The following LAMC1 variants were observed in gnomAD, a reference collection of about 807,000 sequenced individuals.
LAMC1 encodes the protein laminin subunit gamma-1.
LAMC1 carries 38 observed loss-of-function variants against 173.6 expected under a neutral mutation model. The ratio of observed to expected loss-of-function variants is 0.22; its 90% CI spans 0.17 to 0.29. The LOEUF is 0.29. Ranked by LOEUF, LAMC1 falls within the 10% of genes least tolerant of loss-of-function variation. The probability of loss-of-function intolerance (pLI) is 1.00; values close to 1 mark genes in which losing one functional copy is unlikely to be tolerated. For missense variants in LAMC1, 1,824 were observed against 2,051.8 expected (o/e 0.89, Z 2.14); for synonymous variants, 746 against 749.1 (o/e 1.00, Z 0.07).
rs181905506 is a variant in LAMC1, at chr1:183,143,760, G to C, written c.*970G>C. ...AAACAGAAGAAAAACAAGCCTCCTC[G>C]TCCTAGTCTTTTCTAGCAAAGGGAT... On this transcript the variant is annotated 3_prime_UTR_variant, in exon 28 of 28. Transcript: ENST00000258341. The C allele has an allele frequency of 1.9e-4, 29 of 152,196 alleles. No homozygotes were observed. Among genetic ancestry groups the C allele is most frequent in the African/African-American group, 6.0e-4 (25 of 41,528 alleles). 9.4% of individuals were successfully genotyped at this position (152,196 alleles called of 1,614,324 possible).
At chr1:183,047,163 G>C (rs557554304) in intron 1 of LAMC1, among the ~76,000 whole-genome samples, 3 of 152,234 alleles carry the variant, frequency 2.0e-5, no homozygotes, top group African/African-American at 7.2e-5. Context: ...ATTAGTTGCT[G>C]TTCATACTGT....
intron 26 of LAMC1, among the ~76,000 whole-genome samples, chr1:183,139,363 A>T (rs943970087): frequency 6.6e-6 from 1 of 152,178 alleles, no homozygotes; most frequent in African/African-American, 2.4e-5. Context: ...AACCAGAAGA[A>T]TGAAGGTTTA....
intron 1 of LAMC1, among the ~76,000 whole-genome samples, chr1:183,094,902 A>G (rs962445938): frequency 4.7e-5 from 7 of 150,394 alleles, no homozygotes; most frequent in African/African-American, 1.5e-4. Context: ...GCTGGAGTAC[A>G]GTAACACGAT....
rs1432378353 is a variant in LAMC1, at chr1:183,114,583, T to C, written c.1074T>C (p.Tyr358=). 1.9e-6 allele frequency: 3 copies of C among 1,614,092 alleles called. No homozygotes were observed. In the African/African-American group the frequency reaches 4.0e-5, roughly 22 times the overall value. Residue 358 remains tyrosine (Y), a synonymous_variant, in exon 5 of 28, where the codon TAT becomes TAC. Coordinates refer to ENST00000258341, the MANE Select transcript of LAMC1 (RefSeq NM_002293.4). The stretch of plus-strand genomic sequence containing the variant: ...AATGCTACTTCGACCCTGAACTCTA[T>C]CGTTCCACTGGCCATGGGGGCCACT... ...SQECYFDPEL[Y]RSTGHGGHCT... is the part of the protein sequence containing the mutation.
intron 3 of LAMC1, among the ~76,000 whole-genome samples, chr1:183,108,713 G>C (rs1656058192): frequency 6.6e-6 from 1 of 152,238 alleles, no homozygotes; most frequent in African/African-American, 2.4e-5. Context: ...TGAAGCACTT[G>C]AGGAAGGGTA....
At position 183,134,747 on chromosome 1, in the gene LAMC1, G is replaced by T; in HGVS notation, c.3937G>T (p.Asp1313Tyr). 1 of 1,613,456 alleles carries T rather than the reference G, an allele frequency of 6.2e-7. No homozygotes were observed. Among genetic ancestry groups the T allele is most frequent in the East Asian group, 2.2e-5 (1 of 44,880 alleles). The change falls in exon 23 of 28, where the codon GAT becomes TAT. Residue 1313 changes from aspartate (D) to tyrosine (Y), a missense_variant. Physicochemically the swap from Asp to Tyr is radical, Grantham distance 160. Transcript: ENST00000258341. The part of the protein sequence containing the change: ...KLKDYEDLRE[D>Y]MRGKELEVKN... Reference sequence around the variant, plus strand: ...AAAAGATTATGAGGACCTCAGAGAAGATATGAGAGGGAAGGAACTTGAAGT... The same window carrying T: ...AAAAGATTATGAGGACCTCAGAGAATATATGAGAGGGAAGGAACTTGAAGT...
rs2093982 is a variant in LAMC1, at chr1:183,125,056, T to C, written c.2647+180T>C. On this transcript the variant is annotated intron_variant, in intron 14 of 27. Coordinates refer to ENST00000258341, the MANE Select transcript of LAMC1 (RefSeq NM_002293.4). The stretch of plus-strand genomic sequence containing the variant: ...AAAGTATAAAGAAGGACAGTCATGG[T>C]GGCTGACACCTGTGGTCCTGTAAAA... The C allele has an allele frequency of 0.56, 411,758 of 735,310 alleles. 117,510 individuals are homozygous for C. The highest frequency in any genetic ancestry group is 0.65 in the South Asian group (32,748 of 50,572). 45.5% of individuals were successfully genotyped at this position (735,310 alleles called of 1,614,324 possible).
chr1:183,097,764 C>T (rs1430095419), intron 1 of LAMC1, among the ~76,000 whole-genome samples: 1 of 152,198 alleles, frequency 6.6e-6, no homozygotes, highest in African/African-American at 2.4e-5. Context: ...ATTCCCTCAA[C>T]CAGCATGAAC....
chr1:183,069,236 A>G (rs1459799883), intron 1 of LAMC1, among the ~76,000 whole-genome samples: 2 of 152,200 alleles, frequency 1.3e-5, no homozygotes, highest in African/African-American at 2.4e-5. Flanking sequence ...CATATTTTCA[A>G]AACAGCCTTG....
intron 1 of LAMC1, among the ~76,000 whole-genome samples, chr1:183,073,910 A>G (rs1342524578): frequency 6.6e-6 from 1 of 152,230 alleles, no homozygotes; most frequent in Admixed American, 6.5e-5. Flanking sequence ...TGGAAACAAC[A>G]AAAAAGTGGC....
Position 183,023,714 on chromosome 1 carries a change from G to T in LAMC1, c.-3G>T. Reference sequence around the variant, plus strand: ...CGCCGTGACCCAGCGTGCGGGCGGCGGGATGAGAGGGAGCCATCGGGCCGC... The same window carrying T: ...CGCCGTGACCCAGCGTGCGGGCGGCTGGATGAGAGGGAGCCATCGGGCCGC... On this transcript the variant is annotated 5_prime_UTR_variant, in exon 1 of 28. Transcript: ENST00000258341. 1.7e-6 allele frequency: 2 copies of T among 1,179,506 alleles called. No individual in the cohort carries two copies. Among genetic ancestry groups the T allele is most frequent in the South Asian group, 8.5e-5 (2 of 23,612 alleles). 73.1% of individuals were successfully genotyped at this position (1,179,506 alleles called of 1,614,324 possible).
At chr1:183,115,470 T>C (rs1656290486) in intron 5 of LAMC1, 50 bp from the exon 6 acceptor site, 1 of 1,163,272 alleles carries the variant, frequency 8.6e-7, no homozygotes, top group Admixed American at 1.7e-5. Context: ...TTGATTTTAC[T>C]TACGTATCTG....
At chr1:183,096,326 C>T (rs1433356159) in intron 1 of LAMC1, among the ~76,000 whole-genome samples, 2 of 152,182 alleles carry the variant, frequency 1.3e-5, no homozygotes, top group African/African-American at 4.8e-5. Context: ...TTCCTCTTAG[C>T]TCCATAGTGA....
At chr1:183,059,791 A>G (rs1654694452) in intron 1 of LAMC1, among the ~76,000 whole-genome samples, 1 of 152,210 alleles carries the variant, frequency 6.6e-6, no homozygotes, top group Non-Finnish European at 1.5e-5. Context: ...GTAGGAAACC[A>G]CAGAATCTGA....
chr1:183,049,656 G>T (rs1305722532), intron 1 of LAMC1, among the ~76,000 whole-genome samples: 1 of 151,896 alleles, frequency 6.6e-6, no homozygotes, highest in South Asian at 2.1e-4. Flanking sequence ...TAGAGACGGG[G>T]TTTCACCATG....
At chr1:183,053,579 C>A (rs958409290) in intron 1 of LAMC1, among the ~76,000 whole-genome samples, 18 of 151,882 alleles carry the variant, frequency 1.2e-4, no homozygotes, top group African/African-American at 3.9e-4. Context: ...AGAACATTTA[C>A]ATTTTGTGAA....
Position 183,098,873 on chromosome 1 carries a change from T to A in LAMC1, c.419-4455T>A, listed in dbSNP as rs180790406. On this transcript the variant is annotated intron_variant, in intron 1 of 27. Transcript: ENST00000258341. ...AATCCCATTCTTGTTTTCCAGCTTC[T>A]ATTTTTCACCTTTCCCTCTCTGCTG... Among the ~76,000 whole-genome samples the A allele has an allele frequency of 1.1e-3, 170 of 152,344 alleles. 2 individuals carry two copies. The highest frequency in any genetic ancestry group is 2.0e-3 in the African/African-American group (84 of 41,582).
At chr1:183,091,285 A>G (rs915939937) in intron 1 of LAMC1, among the ~76,000 whole-genome samples, 20 of 152,148 alleles carry the variant, frequency 1.3e-4, no homozygotes, top group African/African-American at 4.8e-4. Flanking sequence ...AGAGGCCACT[A>G]AGTTAATATT....
intron 1 of LAMC1, among the ~76,000 whole-genome samples, chr1:183,050,747 T>C (rs28477876): frequency 0.5 from 74,967 of 149,478 alleles, 19,347 homozygotes; most frequent in South Asian, 0.64. Context: ...CAAAATTAGC[T>C]GAGTCTGGTG....
Sources: gnomAD v4.1 joint callset for allele counts (sites outside exome capture counted in the v4.1 genomes callset) on GRCh38, gnomAD v4.1.1 for gene constraint, MANE v1.5 for transcripts, NCBI Gene and HGNC (gene_info 2026-07-23, HGNC 2026-07-21) for gene names.